ATP6V1C2: variants seen among roughly 807,000 people sequenced by gnomAD.
ATP6V1C2 encodes V-type proton ATPase subunit C 2.
In ATP6V1C2, 45 loss-of-function variants were observed where a neutral mutation model predicts 56.8. The ratio of observed to expected loss-of-function variants is 0.79; its 90% CI spans 0.62 to 1.02. ATP6V1C2 has a LOEUF of 1.02. ATP6V1C2 is among the 50% of genes least tolerant of loss of function. The probability of loss-of-function intolerance (pLI) is 0.00; values close to 1 mark genes in which losing one functional copy is unlikely to be tolerated. For missense variants in ATP6V1C2, 463 were observed against 519.7 expected (o/e 0.89, Z 1.06); for synonymous variants, 220 against 201.3 (o/e 1.09, Z -0.79).
intron 3 of ATP6V1C2, among the ~76,000 whole-genome samples, chr2:10,747,680 C>CT (rs931503239): frequency 7.3e-5 from 11 of 149,978 alleles, no homozygotes; most frequent in Non-Finnish European, 1.2e-4. Flanking sequence ...GACCACACAG[C>CT]AAGACACCAT....
intron 5 of ATP6V1C2, among the ~76,000 whole-genome samples, chr2:10,766,780 G>A (rs1228094351): frequency 6.6e-6 from 1 of 151,992 alleles, no homozygotes; most frequent in Admixed American, 6.6e-5. Flanking sequence ...TTGTATAGTT[G>A]CATAATGCCG....
At chr2:10,750,465 G>A (rs889908063) in intron 3 of ATP6V1C2, among the ~76,000 whole-genome samples, 9 of 151,732 alleles carry the variant, frequency 5.9e-5, no homozygotes, top group African/African-American at 1.7e-4. Flanking sequence ...GCAGTAAGCC[G>A]AGATAGCACC....
intron 3 of ATP6V1C2, among the ~76,000 whole-genome samples, chr2:10,737,169 C>T (rs1296309251): frequency 6.6e-6 from 1 of 150,752 alleles, no homozygotes; most frequent in African/African-American, 2.4e-5. Flanking sequence ...AATTCCAGCA[C>T]TTTGGGAGGC....
chr2:10,772,487 G>C, intron 7 of ATP6V1C2, 55 bp from the exon 8 acceptor site: 1 of 1,462,536 alleles, frequency 6.8e-7, no homozygotes, highest in South Asian at 1.1e-5. Context: ...AGGCACTCAG[G>C]ACACCCACGA....
Position 10,764,321 on chromosome 2 carries a change from A to G in ATP6V1C2, c.284-10A>G, listed in dbSNP as rs540420029. The G allele has an allele frequency of 6.2e-7, 1 of 1,604,352 alleles. No homozygotes were observed. The highest frequency in any genetic ancestry group is 1.1e-5 in the South Asian group (1 of 90,872). On this transcript the variant is annotated splice_polypyrimidine_tract_variant and intron_variant, in intron 4 of 13. Coordinates refer to ENST00000272238, the MANE Select transcript of ATP6V1C2 (RefSeq NM_001039362.2). ...GGCTCATGTGTTGAAATGTGTTTGT[A>G]TTCTTCCAGTTGACTTAACATCCTT...
chr2:10,782,233 A>G lies in ATP6V1C2; in HGVS notation c.1062-10A>G. 1.2e-6 allele frequency: 2 copies of G among 1,613,754 alleles called. No homozygotes were observed. The highest frequency in any genetic ancestry group is 1.7e-6 in the Non-Finnish European group (2 of 1,179,872). On this transcript the variant is annotated splice_polypyrimidine_tract_variant and intron_variant, in intron 12 of 13. Transcript: ENST00000272238. ...AGCAGTGAACTGACACATTTTGTCT[A>G]TCTGAAAAGGTATGGACTACCAGTG...
rs1664070921 is a variant in ATP6V1C2 at position 10,763,912 on chromosome 2, C to G, written c.284-419C>G. On this transcript the variant is annotated intron_variant, in intron 4 of 13. Transcript: ENST00000272238. The surrounding 1 kb of genome is among the most constrained non-coding windows in gnomAD (Gnocchi z 4.2). ...CTGGTTAGAATGAGCCAGAGGCATC[C>G]TGAAGGCAGTGGGTTTTGGGGAAAG... Among the ~76,000 whole-genome samples, 1 of 152,164 alleles carries G rather than the reference C, an allele frequency of 6.6e-6. No homozygotes were observed. The highest frequency in any genetic ancestry group is 2.4e-5 in the African/African-American group (1 of 41,432).
chr2:10,752,063 CA>C (rs908467834), intron 3 of ATP6V1C2, among the ~76,000 whole-genome samples: 8 of 146,176 alleles, frequency 5.5e-5, no homozygotes, highest in African/African-American at 1.3e-4. Context: ...CATCCTGCCT[CA>C]AAAAAAAAAC....
chr2:10,777,501 C>T lies in ATP6V1C2; in HGVS notation c.826-84C>T, dbSNP rs181764017. 1.4e-4 allele frequency: 208 copies of T among 1,537,416 alleles called. 1 individual carries two copies. Among genetic ancestry groups the T allele is most frequent in the East Asian group, 8.3e-4 (37 of 44,352 alleles). On this transcript the variant is annotated intron_variant, in intron 10 of 13. Transcript: ENST00000272238. ...GCCTGAATTCCTGAGCTTGCTCTCG[C>T]GTGCCTTTCAGGCGATGAGAATGAT...
At chr2:10,721,612 G>C (rs1661355774), upstream of ATP6V1C2, 2 of 151,734 alleles carry the variant, frequency 1.3e-5, no homozygotes, top group Non-Finnish European at 2.9e-5. Context: ...TAAAAGGCGG[G>C]GCGGGGCGCG....
Position 10,785,002 on chromosome 2 carries a change from C to T in ATP6V1C2, c.*1739C>T. The T allele has an allele frequency of 6.3e-7, 1 of 1,584,870 alleles. No homozygotes were observed. Among genetic ancestry groups the T allele is most frequent in the Non-Finnish European group, 8.6e-7 (1 of 1,163,968 alleles). ...GGGAAAGCCCCGCCTCCTACAGGTG[C>T]CGTGGAGCCACGCCCAAAAGAGAGC... is the stretch of plus-strand genomic sequence containing the variant. On this transcript the variant is annotated 3_prime_UTR_variant, in exon 14 of 14. Transcript: ENST00000272238.
intron 3 of ATP6V1C2, among the ~76,000 whole-genome samples, chr2:10,751,173 C>T (rs1663192295): frequency 6.6e-6 from 1 of 152,090 alleles, no homozygotes; most frequent in African/African-American, 2.4e-5. Flanking sequence ...ATTGTCACAA[C>T]CCCTAGGCTG....
At chr2:10,742,779 G>A (rs1357599479) in intron 3 of ATP6V1C2, among the ~76,000 whole-genome samples, 2 of 152,150 alleles carry the variant, frequency 1.3e-5, no homozygotes, top group African/African-American at 4.8e-5. Context: ...GCTAAGAGGT[G>A]CCCCCGTAGT....
In ATP6V1C2 at chr2:10,784,196, C is replaced by G; in HGVS notation, c.*933C>G. ...TCTGAGTGTAGAGAATGTCCCTTCA[C>G]TGCTGGAAAAATCCACTGGCTCCCA... is the stretch of plus-strand genomic sequence containing the variant. On this transcript the variant is annotated 3_prime_UTR_variant, in exon 14 of 14. Transcript: ENST00000272238. 1 of 1,344,886 alleles carries G rather than the reference C, an allele frequency of 7.4e-7. No individual in the cohort carries two copies. Among genetic ancestry groups the G allele is most frequent in the African/African-American group, 1.4e-5 (1 of 69,424 alleles). The allele number at this position is 1,344,886 out of a possible 1,614,324, so 83.3% of individuals were successfully genotyped here. A position where few individuals can be genotyped will look rare whatever the true frequency, so the allele number is the denominator to read the frequency against.
intron 4 of ATP6V1C2, chr2:10,757,366 A>G (rs920921096): frequency 1.5e-5 from 6 of 398,022 alleles, no homozygotes; most frequent in African/African-American, 1.2e-4. Context: ...TTCCTACCCC[A>G]CCTGTGATCT....
At chr2:10,745,113 C>T (rs1424294361) in intron 3 of ATP6V1C2, among the ~76,000 whole-genome samples, 8 of 133,634 alleles carry the variant, frequency 6.0e-5, no homozygotes, top group Admixed American at 1.7e-4. Flanking sequence ...GGCACAATCT[C>T]GGTTCATTGC....
rs546053888 is a variant in ATP6V1C2, at chr2:10,742,607, C to T, written c.198-11374C>T. On this transcript the variant is annotated intron_variant, in intron 3 of 13. Coordinates refer to ENST00000272238, the MANE Select transcript of ATP6V1C2 (RefSeq NM_001039362.2). ...CCTGGACTGGAAGAGTCCTGGGGGCCCTGCATGGCAGGAATGTCCTGGCTG... is the reference window on the plus strand; with the variant it reads ...CCTGGACTGGAAGAGTCCTGGGGGCTCTGCATGGCAGGAATGTCCTGGCTG... Among the ~76,000 whole-genome samples the T allele has an allele frequency of 2.6e-5, 4 of 152,256 alleles. No homozygotes were observed. The South Asian group carries it at 6.2e-4, about 24-fold the overall frequency.
chr2:10,731,593 C>G lies in ATP6V1C2; in HGVS notation c.197+5024C>G, dbSNP rs555688219. Among the ~76,000 whole-genome samples, 10 of 152,320 alleles carry G rather than the reference C, an allele frequency of 6.6e-5. No homozygotes were observed. The South Asian group carries it at 2.1e-3, about 32-fold the overall frequency. The stretch of plus-strand genomic sequence containing the variant: ...ATGCCATTGAGAACAGCCCACTGCC[C>G]TAGGCTAGTGAATGCCTTAGGTTTT... On this transcript the variant is annotated intron_variant, in intron 3 of 13. Transcript: ENST00000272238.
At chr2:10,755,254 T>A (rs1663484049) in intron 4 of ATP6V1C2, among the ~76,000 whole-genome samples, 1 of 151,506 alleles carries the variant, frequency 6.6e-6, no homozygotes, top group Non-Finnish European at 1.5e-5. Context: ...CAGGCTGGTC[T>A]CGAACTCCTG....
Sources: allele counts gnomAD v4.1 joint callset (sites outside exome capture counted in the v4.1 genomes callset), GRCh38; gene constraint gnomAD v4.1.1; non-coding constraint Gnocchi (gnomAD v3.1); transcripts MANE v1.5; gene names NCBI Gene and HGNC (gene_info 2026-07-23, HGNC 2026-07-21).